Variants in ITPR2 observed in about 807,000 individuals in gnomAD.
The protein encoded by ITPR2 is inositol 1,4,5-trisphosphate-gated calcium channel ITPR2.
In ITPR2, 207 loss-of-function variants were observed where a neutral mutation model predicts 317.1. The observed-to-expected ratio is 0.65, with a 90% CI of 0.58 to 0.73. The LOEUF is 0.73. Among genes scored for constraint, ITPR2 ranks in the 30% least tolerant of loss-of-function variants. The pLI is 0.00. For missense variants in ITPR2, 2,613 were observed against 3,284.0 expected, an observed-to-expected ratio of 0.80 and a Z score of 4.99; for synonymous variants, 1,156 against 1,149.1, an observed-to-expected ratio of 1.01 and a Z score of -0.12.
At chr12:26,770,723 C>T (rs1949824994) in intron 2 of ITPR2, among the ~76,000 whole-genome samples, 1 of 152,188 alleles carries the variant, frequency 6.6e-6, no homozygotes, top group Admixed American at 6.5e-5. Context: ...ATGGCCAGCC[C>T]ACTAACCACC....
intron 13 of ITPR2, among the ~76,000 whole-genome samples, chr12:26,675,296 C>A (rs1947881801): frequency 6.6e-6 from 1 of 152,150 alleles, no homozygotes; most frequent in African/African-American, 2.4e-5. Context: ...TGGAACCAAC[C>A]CAAATGTCCA....
At chr12:26,594,439 GA>G (rs1368878355) in intron 32 of ITPR2, among the ~76,000 whole-genome samples, 5 of 151,900 alleles carry the variant, frequency 3.3e-5, no homozygotes, top group Non-Finnish European at 7.4e-5. Flanking sequence ...AAAAGGTATA[GA>G]GAGGCAGTGA....
intron 2 of ITPR2, among the ~76,000 whole-genome samples, chr12:26,770,107 G>A (rs1949813418): frequency 6.6e-6 from 1 of 152,114 alleles, no homozygotes; most frequent in Non-Finnish European, 1.5e-5. Flanking sequence ...ACTGTTATAA[G>A]GATCATCCTT....
chr12:26,354,102 C>T lies in ITPR2; in HGVS notation c.7858-13774G>A, dbSNP rs569188286. On this transcript the variant is annotated intron_variant, in intron 55 of 56. Coordinates refer to ENST00000381340, the MANE Select transcript of ITPR2 (RefSeq NM_002223.4). Reference sequence around the variant, plus strand: ...CAGCCCGGCCAACATGGTGAAACCCCGTCTCTACTAAAAATACAAAAATTA... The same window carrying T: ...CAGCCCGGCCAACATGGTGAAACCCTGTCTCTACTAAAAATACAAAAATTA... 3.3e-5 allele frequency among the ~76,000 whole-genome samples: 5 copies of T among 152,030 alleles called. 1 individual carries two copies. Among genetic ancestry groups the T allele is most frequent in the African/African-American group, 4.8e-5 (2 of 41,444 alleles).
intron 30 of ITPR2, among the ~76,000 whole-genome samples, chr12:26,597,693 C>G (rs1392394923): frequency 6.6e-6 from 1 of 152,020 alleles, no homozygotes; most frequent in East Asian, 1.9e-4. Flanking sequence ...CCGAGAGAAA[C>G]AAAGATATGA....
intron 47 of ITPR2, among the ~76,000 whole-genome samples, chr12:26,437,662 G>A (rs1286271340): frequency 1.7e-5 from 2 of 118,218 alleles, no homozygotes; most frequent in Non-Finnish European, 4.4e-5. Context: ...AATGTACATT[G>A]AAAATTATTT....
chr12:26,589,851 TATACAC>T (rs1248717393), intron 32 of ITPR2, among the ~76,000 whole-genome samples: 1,127 of 49,402 alleles, frequency 0.023, 128 homozygotes, highest in African/African-American at 0.073. Flanking sequence ...TATATATATA[TATACAC>T]ACACACACAC....
chr12:26,645,970 C>CTTTTTTT (rs777192053), intron 21 of ITPR2, among the ~76,000 whole-genome samples: 9 of 119,018 alleles, frequency 7.6e-5, no homozygotes, highest in African/African-American at 1.3e-4. Flanking sequence ...TCTTTCTTTC[C>CTTTTTTT]TTTTTTTTTT....
intron 45 of ITPR2, among the ~76,000 whole-genome samples, chr12:26,458,520 T>C (rs965550626): frequency 6.6e-6 from 1 of 152,206 alleles, no homozygotes. Flanking sequence ...TTTCTTGATA[T>C]GTGTGTTTAT....
At position 26,339,637 on chromosome 12, in the gene ITPR2, A is replaced by AT. The variant is rs557090439; in HGVS notation, c.8020-155_8020-154insA. 1.4e-4 allele frequency among the ~76,000 whole-genome samples: 21 copies of AT among 152,244 alleles called. No homozygotes were observed. In the East Asian group the frequency reaches 1.9e-3, roughly 14 times the overall value. On this transcript the variant is annotated intron_variant, in intron 56 of 56. Transcript: ENST00000381340. ...CAAAAAAGGGATTTTTTTAAAAGTG[A>AT]ATTTCCATAAACAGAGAAAAAGAGC...
intron 42 of ITPR2, among the ~76,000 whole-genome samples, chr12:26,482,105 C>T (rs1942555757): frequency 6.6e-6 from 1 of 152,166 alleles, no homozygotes; most frequent in South Asian, 2.1e-4. Flanking sequence ...AAAATGACTG[C>T]TTTTTCAGCA....
intron 55 of ITPR2, among the ~76,000 whole-genome samples, chr12:26,354,709 C>T (rs1009517504): frequency 6.6e-6 from 1 of 152,088 alleles, no homozygotes; most frequent in African/African-American, 2.4e-5. Context: ...GCTCTTGTTG[C>T]CCAGGCTGGA....
chr12:26,628,401 C>T (rs10450686), intron 22 of ITPR2, among the ~76,000 whole-genome samples: 96,421 of 152,104 alleles, frequency 0.63, 31,252 homozygotes, highest in African/African-American at 0.77. Context: ...CTCCCTATGA[C>T]TGCTCTCTGA....
rs747414271 is a variant in ITPR2, at chr12:26,600,026, A to C, written c.3762T>G (p.Val1254=). ...ACAAATTCAGATGTTTATGAAGAAG[A>C]ACTTGATTCTGTGGATTTCCTCGAC... ...NFCRGNPQNQ[V]LLHKHLNLFL... is the part of the protein sequence containing the mutation. The change falls in exon 29 of 57, where the codon GTT becomes GTG. Residue 1254 remains valine (V), a synonymous_variant. Transcript: ENST00000381340. 2.5e-6 allele frequency: 4 copies of C among 1,606,960 alleles called. No individual in the cohort carries two copies. In the South Asian group the frequency reaches 4.4e-5, roughly 18 times the overall value.
At position 26,654,142 on chromosome 12, in the gene ITPR2, A is replaced by AG; in HGVS notation, c.2590-17_2590-16insC. 6 of 1,540,720 alleles carry AG rather than the reference A, an allele frequency of 3.9e-6. No individual in the cohort carries two copies. Among genetic ancestry groups the AG allele is most frequent in the Non-Finnish European group, 5.2e-6 (6 of 1,156,306 alleles). ...AGTGGACCACCTTAATAAAAAAAAA[A>AG]AAGCGGGGAGGGGGAGGGTGAAAGA... is the stretch of plus-strand genomic sequence containing the variant. On this transcript the variant is annotated splice_polypyrimidine_tract_variant and intron_variant, in intron 20 of 56. Transcript: ENST00000381340.
At position 26,486,171 on chromosome 12, in the gene ITPR2, A is replaced by G; in HGVS notation, c.5744T>C (p.Ile1915Thr). 15 of 1,614,186 alleles carry G rather than the reference A, an allele frequency of 9.3e-6. No individual in the cohort carries two copies. Among genetic ancestry groups the G allele is most frequent in the Non-Finnish European group, 1.3e-5 (15 of 1,180,008 alleles). The change falls in exon 41 of 57, where the codon ATT (isoleucine) becomes ACT (threonine). Residue 1915 changes from isoleucine (I) to threonine (T), a missense_variant. This residue lies in a region of ITPR2 where 926 missense variants were observed against 1,072.8 expected (regional missense o/e 0.86). Transcript: ENST00000381340. ...TCTCAGTATTGGCTGCATGATGGCAATTGCGGGACTCATTGTTACTTCCTC... is the reference window on the plus strand; with the variant it reads ...TCTCAGTATTGGCTGCATGATGGCAGTTGCGGGACTCATTGTTACTTCCTC... ...SAEEVTMSPAIAIMQPILRFL... is the reference protein window; with the variant it reads ...SAEEVTMSPATAIMQPILRFL...
chr12:26,616,416 C>T (rs1946376169), intron 26 of ITPR2, among the ~76,000 whole-genome samples: 1 of 151,994 alleles, frequency 6.6e-6, no homozygotes, highest in Admixed American at 6.6e-5. Flanking sequence ...GGATTACAGG[C>T]ATGAGCCACC....
At position 26,383,640 on chromosome 12, in the gene ITPR2, C is replaced by G. The variant is rs1283807560; in HGVS notation, c.7857+3794G>C. Among the ~76,000 whole-genome samples the G allele has an allele frequency of 4.7e-5, 7 of 147,652 alleles. 1 individual carries two copies. The South Asian group carries it at 1.5e-3, about 32-fold the overall frequency. On this transcript the variant is annotated intron_variant, in intron 55 of 56. Transcript: ENST00000381340. ...CTGGGACTACATGTGCCCACCACCACGCCTGGCTAATTTTTTTTTTTTTTT... is the reference window on the plus strand; with the variant it reads ...CTGGGACTACATGTGCCCACCACCAGGCCTGGCTAATTTTTTTTTTTTTTT...
intron 13 of ITPR2, among the ~76,000 whole-genome samples, chr12:26,680,539 C>T (rs965402841): frequency 3.3e-5 from 5 of 152,110 alleles, no homozygotes; most frequent in African/African-American, 1.2e-4. Context: ...AAACTTGGTG[C>T]TCTTTGTTAC....
Sources: gnomAD v4.1 joint callset for allele counts (sites outside exome capture counted in the v4.1 genomes callset) on GRCh38, gnomAD v4.1.1 for gene constraint, gnomAD v4.1.1 regional missense constraint, MANE v1.5 for transcripts, NCBI Gene and HGNC (gene_info 2026-07-23, HGNC 2026-07-21) for gene names.